SAMMSON: variants seen among roughly 807,000 people sequenced by gnomAD.
SAMMSON encodes survival associated mitochondrial melanoma specific oncogenic non-coding RNA.
At chr3:70,212,481 C>G (rs1302282177) in intron 4 of SAMMSON, among the ~76,000 whole-genome samples, 1 of 152,086 alleles carries the variant, frequency 6.6e-6, no homozygotes, top group Non-Finnish European at 1.5e-5. Flanking sequence ...GTCCCTCCAT[C>G]CAATCATTTA....
intron 6 of SAMMSON, among the ~76,000 whole-genome samples, chr3:70,263,371 CT>C (rs570169026): frequency 1.1e-3 from 166 of 152,160 alleles, no homozygotes; most frequent in African/African-American, 3.8e-3. Flanking sequence ...TATTTTAAAA[CT>C]CTTTTAGGGT....
At chr3:70,188,777 A>G (rs1352249220) in intron 4 of SAMMSON, among the ~76,000 whole-genome samples, 4 of 152,234 alleles carry the variant, frequency 2.6e-5, no homozygotes, top group Non-Finnish European at 5.9e-5. Flanking sequence ...ACAACACTTT[A>G]TCATCTAGCA....
intron 2 of SAMMSON, among the ~76,000 whole-genome samples, chr3:70,428,023 T>G (rs1340158789): frequency 1.3e-5 from 2 of 152,146 alleles, no homozygotes; most frequent in Non-Finnish European, 2.9e-5. Context: ...ATTAAAATAC[T>G]GTAGCGTAAA....
chr3:70,414,348 T>A (rs576115438), intron 2 of SAMMSON, among the ~76,000 whole-genome samples: 1 of 152,280 alleles, frequency 6.6e-6, no homozygotes, highest in South Asian at 2.1e-4. Context: ...ATGATTAGTT[T>A]ATTAATTTTA....
chr3:70,421,683 C>G (rs17732997), intron 2 of SAMMSON, among the ~76,000 whole-genome samples: 61,271 of 151,864 alleles, frequency 0.4, 12,436 homozygotes, highest in South Asian at 0.44. Flanking sequence ...GAATAAGAAG[C>G]GCTGGTGAAG....
At chr3:70,081,177 G>C (rs931322065) in intron 4 of SAMMSON, among the ~76,000 whole-genome samples, 1 of 152,080 alleles carries the variant, frequency 6.6e-6, no homozygotes, top group African/African-American at 2.4e-5. Flanking sequence ...GCAGTGGCGC[G>C]ATCTCTGCTC....
At chr3:70,381,691 A>C (rs927324451) in intron 9 of SAMMSON, among the ~76,000 whole-genome samples, 1 of 152,154 alleles carries the variant, frequency 6.6e-6, no homozygotes, top group African/African-American at 2.4e-5. Flanking sequence ...AGAAAAAAAA[A>C]CAAGTTAAAT....
chr3:70,145,154 C>T (rs1207844156), intron 4 of SAMMSON, among the ~76,000 whole-genome samples: 1 of 152,090 alleles, frequency 6.6e-6, no homozygotes, highest in African/African-American at 2.4e-5. Flanking sequence ...TTATTATCCT[C>T]CAGATGCCCT....
chr3:70,031,864 A>G (rs972676392), intron 3 of SAMMSON, among the ~76,000 whole-genome samples: 1 of 152,200 alleles, frequency 6.6e-6, no homozygotes, highest in African/African-American at 2.4e-5. Flanking sequence ...CCATCAGCAC[A>G]GTACCAGGCT....
chr3:70,065,521 T>G (rs1362663316), intron 3 of SAMMSON, among the ~76,000 whole-genome samples: 1 of 151,732 alleles, frequency 6.6e-6, no homozygotes, highest in Non-Finnish European at 1.5e-5. Context: ...TTGTGTTTTG[T>G]TTTTTTTAGA....
chr3:70,242,270 G>A (rs1325099337), intron 4 of SAMMSON, among the ~76,000 whole-genome samples: 6 of 152,072 alleles, frequency 3.9e-5, no homozygotes, highest in Admixed American at 1.3e-4. Flanking sequence ...AATCAAGTTG[G>A]CTCTGATAAC....
chr3:70,191,355 A>G (rs1199218735), intron 4 of SAMMSON, among the ~76,000 whole-genome samples: 1 of 152,212 alleles, frequency 6.6e-6, no homozygotes, highest in Non-Finnish European at 1.5e-5. Context: ...TTGTTGACTG[A>G]TTAAAAACAA....
At chr3:70,106,509 T>A (rs2067367845) in intron 4 of SAMMSON, among the ~76,000 whole-genome samples, 1 of 150,480 alleles carries the variant, frequency 6.6e-6, no homozygotes, top group African/African-American at 2.4e-5. Context: ...CCTGGCTATT[T>A]TTTTTTTTTT....
intron 2 of SAMMSON, among the ~76,000 whole-genome samples, chr3:70,416,089 A>C (rs1701262519): frequency 6.6e-6 from 1 of 152,190 alleles, no homozygotes; most frequent in Non-Finnish European, 1.5e-5. Flanking sequence ...AAGTATTTGT[A>C]GCTACTGTAG....
intron 4 of SAMMSON, among the ~76,000 whole-genome samples, chr3:70,118,446 C>G (rs937998108): frequency 6.6e-6 from 1 of 151,952 alleles, no homozygotes; most frequent in Non-Finnish European, 1.5e-5. Context: ...TATTTTGCAC[C>G]CAAAATGTGT....
At chr3:70,183,640 T>A (rs1701070727) in intron 4 of SAMMSON, 1 of 152,228 alleles carries the variant, frequency 6.6e-6, no homozygotes, top group Non-Finnish European at 1.5e-5. Flanking sequence ...ACAAATACAG[T>A]GTCCCCTGGG....
intron 3 of SAMMSON, among the ~76,000 whole-genome samples, chr3:70,022,988 G>T (rs903390813): frequency 6.6e-6 from 1 of 152,184 alleles, no homozygotes; most frequent in African/African-American, 2.4e-5. Flanking sequence ...ATGGTTAGAA[G>T]AATTGGGTCC....
intron 4 of SAMMSON, among the ~76,000 whole-genome samples, chr3:70,225,212 A>G (rs1315010775): frequency 6.6e-6 from 1 of 152,168 alleles, no homozygotes; most frequent in African/African-American, 2.4e-5. Context: ...TTGGTTTAAT[A>G]AGAGAAATGT....
At chr3:70,176,501 T>C (rs1282072197) in intron 4 of SAMMSON, among the ~76,000 whole-genome samples, 1 of 152,178 alleles carries the variant, frequency 6.6e-6, no homozygotes, top group Non-Finnish European at 1.5e-5. Flanking sequence ...AATGTGAAAT[T>C]TGGAATTTTC....
Sources: allele counts gnomAD v4.1 joint callset (sites outside exome capture counted in the v4.1 genomes callset), GRCh38; gene constraint gnomAD v4.1.1; transcripts MANE v1.5; gene names NCBI Gene and HGNC (gene_info 2026-07-23, HGNC 2026-07-21).